Variants in BICRAL observed in about 807,000 individuals in gnomAD.
BICRAL encodes BICRA like chromatin remodeling complex associated protein.
Under a neutral mutation model 91.8 loss-of-function variants are expected in BICRAL, and 8 were observed. The ratio of observed to expected loss-of-function variants is 0.09; its 90% CI spans 0.05 to 0.16. The LOEUF (loss-of-function observed/expected upper bound fraction) is 0.16. BICRAL is among the 10% of genes least tolerant of loss of function. The pLI is 1.00. For synonymous variants in BICRAL, 445 were observed against 491.1 expected (o/e 0.91, Z 1.24); for missense variants, 1,038 against 1,310.9 (o/e 0.79, Z 3.21).
At chr6:42,822,398 G>T (rs1348922832) in intron 3 of BICRAL, among the ~76,000 whole-genome samples, 1 of 150,534 alleles carries the variant, frequency 6.6e-6, no homozygotes, top group Non-Finnish European at 1.5e-5. Flanking sequence ...ACACCACCAT[G>T]CCTGGCTAAT....
chr6:42,759,856 C>T (rs1762519496), intron 1 of BICRAL, among the ~76,000 whole-genome samples: 1 of 152,164 alleles, frequency 6.6e-6, no homozygotes, highest in Non-Finnish European at 1.5e-5. Flanking sequence ...TCTTCTGCAG[C>T]TTGAGCTTCT....
At chr6:42,830,581 C>T (rs556208657) in intron 6 of BICRAL, among the ~76,000 whole-genome samples, 10 of 151,452 alleles carry the variant, frequency 6.6e-5, no homozygotes, top group Non-Finnish European at 1.3e-4. Flanking sequence ...TTTTTTTTTA[C>T]ACTTATGACT....
chr6:42,852,467 G>A, intron 7 of BICRAL: 1 of 562,090 alleles, frequency 1.8e-6, no homozygotes, highest in Non-Finnish European at 3.4e-6. Flanking sequence ...TTCAAGACCA[G>A]CCCGACCAAC....
intron 1 of BICRAL, among the ~76,000 whole-genome samples, chr6:42,767,131 G>A (rs1020112693): frequency 1.3e-5 from 2 of 151,902 alleles, no homozygotes; most frequent in East Asian, 1.9e-4. Context: ...CAGCCTGGGC[G>A]ACAGAGTTAA....
At chr6:42,836,871 C>T (rs1234170440) in intron 6 of BICRAL, among the ~76,000 whole-genome samples, 5 of 151,886 alleles carry the variant, frequency 3.3e-5, no homozygotes, top group African/African-American at 7.2e-5. Context: ...CCACCTGCCT[C>T]GGCCTCCCAG....
chr6:42,766,789 C>T (rs1762639048), intron 1 of BICRAL, among the ~76,000 whole-genome samples: 2 of 151,640 alleles, frequency 1.3e-5, no homozygotes, highest in South Asian at 4.2e-4. Context: ...ACCTGTAATC[C>T]CAGCACTTTG....
intron 1 of BICRAL, among the ~76,000 whole-genome samples, chr6:42,760,557 TTATTATTATTATTAC>T (rs1048391739): frequency 7.3e-5 from 11 of 151,456 alleles, no homozygotes; most frequent in Non-Finnish European, 1.2e-4. Flanking sequence ...GGTTTCAACA[TTATTATTATTATTAC>T]TATTATTATT....
In BICRAL at chr6:42,845,195, GTTTTTTTT is replaced by G. The variant is rs748804344; in HGVS notation, c.1840-6851_1840-6844del. Among the ~76,000 whole-genome samples, 144 of 25,606 alleles carry G rather than the reference GTTTTTTTT, an allele frequency of 5.6e-3. 21 individuals carry two copies. Among genetic ancestry groups the G allele is most frequent in the South Asian group, 0.011 (6 of 556 alleles). The allele number at this position is 25,606 out of a possible 152,430, so 16.8% of individuals were successfully genotyped here. A position where few individuals can be genotyped will look rare whatever the true frequency, so the allele number is the denominator to read the frequency against. On this transcript the variant is annotated intron_variant, in intron 6 of 12. Transcript: ENST00000314073. ...CTTCTCTGTTTTTTGTTTTTTGGGT[GTTTTTTTT>G]TTTTTTTTTTTTTTTTTTTTTTTTT...
chr6:42,754,284 G>T (rs1177967128), intron 1 of BICRAL, among the ~76,000 whole-genome samples: 2 of 151,342 alleles, frequency 1.3e-5, no homozygotes, highest in African/African-American at 4.9e-5. Context: ...CCATTCTCCT[G>T]TCTCAGCCTC....
upstream of BICRAL, among the ~76,000 whole-genome samples, chr6:42,777,544 C>G (rs548981079): frequency 2.7e-4 from 41 of 152,216 alleles, 1 homozygote; most frequent in Non-Finnish European, 4.1e-4. Context: ...AGAACACTTA[C>G]TAACTCTTCT....
intron 1 of BICRAL, among the ~76,000 whole-genome samples, chr6:42,773,618 G>A (rs574551637): frequency 5.0e-4 from 76 of 152,240 alleles, no homozygotes; most frequent in African/African-American, 1.6e-3. Context: ...GGGTTCAAGC[G>A]ATTCTCATGC....
rs1452274360 is a variant in BICRAL at position 42,852,169 on chromosome 6, C to T, written c.1917C>T (p.Ile639=). 2 of 1,612,232 alleles carry T rather than the reference C, an allele frequency of 1.2e-6. No individual in the cohort carries two copies. Among genetic ancestry groups the T allele is most frequent in the Non-Finnish European group, 1.7e-6 (2 of 1,178,368 alleles). ...CAGACGGCCTGAGGCAAGCACAGATCCCTGGGCTCTTGAGCACCACACTGC... is the reference window on the plus strand; with the variant it reads ...CAGACGGCCTGAGGCAAGCACAGATTCCTGGGCTCTTGAGCACCACACTGC... ...KTTDGLRQAQ[I]PGLLSTTLPG... Residue 639 remains isoleucine, a synonymous_variant, in exon 7 of 13, where the codon ATC becomes ATT. Coordinates refer to ENST00000314073, the MANE Select transcript of BICRAL (RefSeq NM_001393499.1).
intron 2 of BICRAL, among the ~76,000 whole-genome samples, chr6:42,813,685 T>C (rs1415188316): frequency 2.0e-5 from 3 of 152,086 alleles, no homozygotes; most frequent in Non-Finnish European, 4.4e-5. Context: ...CATGCCCAGC[T>C]AATTTTTTTA....
chr6:42,829,455 C>G lies in BICRAL; in HGVS notation c.1122C>G (p.Thr374=). ...AACAGAACACAAGAAAGCCAGTCAC[C>G]TCACAGGCAGTGAGCAGCACTGGGG... is the stretch of plus-strand genomic sequence containing the variant. ...VNQQNTRKPV[T]SQAVSSTGGS... Residue 374 remains threonine, a synonymous_variant, in exon 6 of 13, where the codon ACC becomes ACG. Transcript: ENST00000314073. The G allele has an allele frequency of 6.2e-7, 1 of 1,614,208 alleles. No homozygotes were observed. The highest frequency in any genetic ancestry group is 8.5e-7 in the Non-Finnish European group (1 of 1,180,038).
At chr6:42,764,875 G>A (rs1762608992) in intron 1 of BICRAL, among the ~76,000 whole-genome samples, 1 of 152,162 alleles carries the variant, frequency 6.6e-6, no homozygotes, top group Non-Finnish European at 1.5e-5. Flanking sequence ...TAGCCAGGAT[G>A]GTCTTGATCT....
intron 6 of BICRAL, among the ~76,000 whole-genome samples, chr6:42,848,702 G>A (rs545002224): frequency 6.1e-4 from 93 of 152,214 alleles, no homozygotes; most frequent in African/African-American, 2.1e-3. Flanking sequence ...AAACTAGCCA[G>A]GCTTGGTGGC....
At chr6:42,821,482 G>A (rs570932508) in intron 2 of BICRAL, among the ~76,000 whole-genome samples, 11 of 152,278 alleles carry the variant, frequency 7.2e-5, no homozygotes, top group Admixed American at 2.0e-4. Context: ...AGAGCCTGCA[G>A]AGACTGCCTG....
intron 11 of BICRAL, among the ~76,000 whole-genome samples, chr6:42,860,852 C>A (rs1456466839): frequency 6.6e-6 from 1 of 152,248 alleles, no homozygotes; most frequent in Non-Finnish European, 1.5e-5. Flanking sequence ...TGAGGCCAGG[C>A]ATGGTGGCTT....
chr6:42,776,086 A>G (rs897115756), intron 1 of BICRAL, among the ~76,000 whole-genome samples: 5 of 152,012 alleles, frequency 3.3e-5, no homozygotes, highest in African/African-American at 9.7e-5. Context: ...CAATGGTGCA[A>G]TCTCAGCTCA....
Sources: allele counts gnomAD v4.1 joint callset (sites outside exome capture counted in the v4.1 genomes callset), GRCh38; gene constraint gnomAD v4.1.1; transcripts MANE v1.5; gene names NCBI Gene and HGNC (gene_info 2026-07-23, HGNC 2026-07-21).